CEP162: variants seen among roughly 807,000 people sequenced by gnomAD.
CEP162 encodes centrosomal protein 162.
In CEP162, 141 loss-of-function variants were observed where a neutral mutation model predicts 169.2. That is an observed-to-expected ratio of 0.83 (90% CI 0.73 to 0.96). The LOEUF is 0.96. CEP162 is among the 40% of genes least tolerant of loss of function. The probability of loss-of-function intolerance (pLI) is 0.00; values close to 1 mark genes in which losing one functional copy is unlikely to be tolerated. For synonymous variants in CEP162, 540 were observed against 526.4 expected, an observed-to-expected ratio of 1.03 and a Z score of -0.35; for missense variants, 1,600 against 1,587.2, an observed-to-expected ratio of 1.01 and a Z score of -0.14.
At chr6:84,135,583 C>A (rs1038865335) in intron 25 of CEP162, among the ~76,000 whole-genome samples, 1 of 152,178 alleles carries the variant, frequency 6.6e-6, no homozygotes, top group Non-Finnish European at 1.5e-5. Flanking sequence ...CAAGCCTGGG[C>A]TGGTCGTGGT....
intron 8 of CEP162, 138 bp from the exon 9 acceptor site, chr6:84,201,043 C>T (rs1204205479): frequency 7.3e-6 from 3 of 409,386 alleles, no homozygotes; most frequent in East Asian, 4.1e-5. Flanking sequence ...CTTTGGGAGG[C>T]CAAGGCGGGC....
rs554377263 is a variant in CEP162, at chr6:84,193,338, G to A, written c.1109+271C>T. On this transcript the variant is annotated intron_variant, in intron 11 of 26. Coordinates refer to ENST00000403245, the MANE Select transcript of CEP162 (RefSeq NM_014895.4). ...TCCCTCATCATGAATGAACTGTTCC[G>A]GCACTATTTAAAGCTGAGGAGACTG... Among the ~76,000 whole-genome samples, 73 of 152,198 alleles carry A rather than the reference G, an allele frequency of 4.8e-4. 2 individuals carry two copies. Among genetic ancestry groups the A allele is most frequent in the South Asian group, 3.9e-3 (19 of 4,822 alleles).
At chr6:84,126,546 T>C in intron 25 of CEP162, 34 bp from the exon 26 acceptor site, 1 of 1,414,792 alleles carries the variant, frequency 7.1e-7, no homozygotes, top group Non-Finnish European at 9.5e-7. Context: ...TGAAAAACTA[T>C]AATCACAAGA....
At chr6:84,134,789 T>C (rs1468273619) in intron 25 of CEP162, among the ~76,000 whole-genome samples, 1 of 152,086 alleles carries the variant, frequency 6.6e-6, no homozygotes, top group African/African-American at 2.4e-5. Flanking sequence ...CTGTTCCTAT[T>C]TGACCATCTT....
chr6:84,193,464 A>T, intron 11 of CEP162, 145 bp downstream of exon 11: 1 of 464,306 alleles, frequency 2.2e-6, no homozygotes, highest in Non-Finnish European at 3.9e-6. Flanking sequence ...TGACTTGAGT[A>T]AGGACAAATA....
Position 84,152,897 on chromosome 6 carries a change from CTTCA to C in CEP162, c.3273_3276del (p.Asn1091LysfsTer26). The C allele has an allele frequency of 6.2e-7, 1 of 1,613,690 alleles. No homozygotes were observed. The highest frequency in any genetic ancestry group is 2.2e-5 in the East Asian group (1 of 44,856). Reference sequence around the variant, plus strand: ...ATTTCTCTCTTTTTTGCAGCCAGTTCTTCATTGAGTCTTACTAATTTAGCTTTAG... The same window carrying C: ...ATTTCTCTCTTTTTTGCAGCCAGTTCTTGAGTCTTACTAATTTAGCTTTAG... On this transcript the variant is annotated frameshift_variant, in exon 23 of 27. Transcript: ENST00000403245. LOFTEE classifies it high-confidence loss of function.
Position 84,174,918 on chromosome 6 carries a change from T to C in CEP162, c.1834A>G (p.Lys612Glu). The change falls in exon 15 of 27, where the codon AAA becomes GAA. Residue 612 changes from lysine (K) to glutamate (E), a missense_variant. Transcript: ENST00000403245. ...TGAACTCTTTTAAACATAAGTAATTTCTTCTCCTTGTTCTCACCACAGTAT... is the reference window on the plus strand; with the variant it reads ...TGAACTCTTTTAAACATAAGTAATTCCTTCTCCTTGTTCTCACCACAGTAT... The part of the protein sequence containing the change: ...LGYCGENKEK[K>E]LLMFKRVQEA... The C allele has an allele frequency of 1.2e-6, 2 of 1,609,654 alleles. No individual in the cohort carries two copies. Among genetic ancestry groups the C allele is most frequent in the Non-Finnish European group, 1.7e-6 (2 of 1,177,984 alleles).
At chr6:84,204,971 C>T (rs749552786) in intron 6 of CEP162, among the ~76,000 whole-genome samples, 2 of 139,518 alleles carry the variant, frequency 1.4e-5, no homozygotes, top group Non-Finnish European at 2.9e-5. Context: ...ACTAGAAAAT[C>T]TAGAAGAAAC....
intron 25 of CEP162, among the ~76,000 whole-genome samples, chr6:84,138,839 TAAC>T (rs1446833753): frequency 6.6e-6 from 1 of 152,196 alleles, no homozygotes; most frequent in African/African-American, 2.4e-5. Context: ...GTGCTTATGT[TAAC>T]AAAGTTTTAT....
intron 24 of CEP162, 95 bp from the exon 25 acceptor site, chr6:84,146,880 T>C (rs1412457128): frequency 7.2e-6 from 4 of 552,886 alleles, no homozygotes; most frequent in East Asian, 6.2e-5. Context: ...GGAACTCTTA[T>C]ATACTGTTGG....
chr6:84,130,415 T>C (rs1317285453), intron 25 of CEP162, among the ~76,000 whole-genome samples: 2 of 152,210 alleles, frequency 1.3e-5, no homozygotes, highest in Non-Finnish European at 2.9e-5. Context: ...TTGTGTGGAA[T>C]AGTTTCAGAA....
rs181317715 is a variant in CEP162, at chr6:84,183,283, A to G, written c.1663+1904T>C. Among the ~76,000 whole-genome samples the G allele has an allele frequency of 4.5e-3, 690 of 151,992 alleles. 8 individuals are homozygous for G. Among genetic ancestry groups the G allele is most frequent in the African/African-American group, 0.016 (658 of 41,462 alleles). On this transcript the variant is annotated intron_variant, in intron 13 of 26. Transcript: ENST00000403245. ...TAGCAACCTCCTCATCATTCCTCTC[A>G]TTTCTTTTTCACTCACTGTGACATT... is the stretch of plus-strand genomic sequence containing the variant.
intron 25 of CEP162, among the ~76,000 whole-genome samples, chr6:84,130,563 A>C (rs2099510918): frequency 1.3e-5 from 2 of 152,014 alleles, no homozygotes. Flanking sequence ...CAGGGATTCG[A>C]CTTCTTCCTC....
chr6:84,219,476 T>C (rs1369875245), intron 3 of CEP162, among the ~76,000 whole-genome samples: 1 of 152,226 alleles, frequency 6.6e-6, no homozygotes, highest in Non-Finnish European at 1.5e-5. Context: ...TGTATATATC[T>C]GCTCTGATTC....
At chr6:84,132,162 T>A (rs1188345750) in intron 25 of CEP162, among the ~76,000 whole-genome samples, 1 of 152,260 alleles carries the variant, frequency 6.6e-6, no homozygotes, top group Non-Finnish European at 1.5e-5. Flanking sequence ...GAATGTTGAA[T>A]GTTGGCCCCC....
chr6:84,146,677 C>A lies in CEP162; in HGVS notation c.3870+10G>T. The A allele has an allele frequency of 7.0e-7, 1 of 1,424,950 alleles. No homozygotes were observed. The highest frequency in any genetic ancestry group is 9.6e-7 in the Non-Finnish European group (1 of 1,043,570). The allele number at this position is 1,424,950 out of a possible 1,614,324, so 88.3% of individuals were successfully genotyped here. On this transcript the variant is annotated intron_variant, in intron 25 of 26. Coordinates refer to ENST00000403245, the MANE Select transcript of CEP162 (RefSeq NM_014895.4). ...ACTTATTTTAGCCCAATATTTTGGCCATTTCTTACCTCTTTCTGTAGAATT... is the reference window on the plus strand; with the variant it reads ...ACTTATTTTAGCCCAATATTTTGGCAATTTCTTACCTCTTTCTGTAGAATT...
chr6:84,208,539 T>C (rs540961224), intron 6 of CEP162, among the ~76,000 whole-genome samples: 2 of 152,346 alleles, frequency 1.3e-5, no homozygotes, highest in South Asian at 4.1e-4. Flanking sequence ...GTGTAATTAA[T>C]ACTGGAAGTG....
Position 84,186,473 on chromosome 6 carries a change from A to C in CEP162, c.1260T>G (p.Asn420Lys). The change falls in exon 12 of 27, where the codon AAT becomes AAG. Residue 420 changes from asparagine to lysine, a missense_variant. Physicochemically the swap from Asn to Lys is moderately conservative, Grantham distance 94. Coordinates refer to ENST00000403245, the MANE Select transcript of CEP162 (RefSeq NM_014895.4). ...DENVILQKTT[N>K]ESMENSCPQV... The stretch of plus-strand genomic sequence containing the variant: ...GTGGACAGCTGTTTTCCATACTCTC[A>C]TTTGTGGTCTTTTGTAAAATCACAT... 1 of 1,613,260 alleles carries C rather than the reference A, an allele frequency of 6.2e-7. No individual in the cohort carries two copies. Among genetic ancestry groups the C allele is most frequent in the Non-Finnish European group, 8.5e-7 (1 of 1,179,448 alleles).
At chr6:84,131,770 A>G (rs1279051575) in intron 25 of CEP162, among the ~76,000 whole-genome samples, 1 of 151,992 alleles carries the variant, frequency 6.6e-6, no homozygotes, top group African/African-American at 2.4e-5. Context: ...AATACAGCAC[A>G]CTGATGGGTT....
Sources: gnomAD v4.1 joint callset for allele counts (sites outside exome capture counted in the v4.1 genomes callset) on GRCh38, gnomAD v4.1.1 for gene constraint, MANE v1.5 for transcripts, NCBI Gene and HGNC (gene_info 2026-07-23, HGNC 2026-07-21) for gene names.